The following CNTN6 variants were observed in gnomAD, a reference collection of about 807,000 sequenced individuals.
The protein encoded by CNTN6 is contactin-6.
In CNTN6, 137 loss-of-function variants were observed where a neutral mutation model predicts 122.8. That is an observed-to-expected ratio of 1.12 (90% CI 0.97 to 1.29). The LOEUF is 1.29. Ranked by LOEUF, CNTN6 falls within the 50% of genes most tolerant of loss-of-function variation. CNTN6 has a pLI of 0.00. For missense variants in CNTN6, 1,634 were observed against 1,223.4 expected (o/e 1.34, Z -5.01); for synonymous variants, 570 against 426.0 (o/e 1.34, Z -4.16).
chr3:1,329,503 C>A (rs528042438), intron 10 of CNTN6, among the ~76,000 whole-genome samples: 11 of 151,896 alleles, frequency 7.2e-5, no homozygotes, highest in African/African-American at 2.6e-4. Context: ...TGAGCCTATA[C>A]TTTGCGCCAG....
At chr3:1,230,946 C>T (rs1485047329) in intron 4 of CNTN6, among the ~76,000 whole-genome samples, 4 of 152,126 alleles carry the variant, frequency 2.6e-5, no homozygotes, top group South Asian at 4.1e-4. Flanking sequence ...TGTCCACATC[C>T]GCTTTTGCAA....
At chr3:1,266,141 CAG>C (rs996580497) in intron 4 of CNTN6, among the ~76,000 whole-genome samples, 7 of 151,926 alleles carry the variant, frequency 4.6e-5, no homozygotes, top group African/African-American at 1.7e-4. Context: ...AAAATGATGA[CAG>C]AAATGAAAAT....
At chr3:1,145,048 T>A (rs922361753) in intron 1 of CNTN6, among the ~76,000 whole-genome samples, 6 of 152,198 alleles carry the variant, frequency 3.9e-5, no homozygotes, top group African/African-American at 1.4e-4. Flanking sequence ...GGTCTATGTG[T>A]ATTATAACCC....
chr3:1,339,251 C>G (rs1703542169), intron 11 of CNTN6, among the ~76,000 whole-genome samples: 1 of 152,148 alleles, frequency 6.6e-6, no homozygotes, highest in Non-Finnish European at 1.5e-5. Context: ...CTCAATCCCT[C>G]TCACCCTAAA....
At chr3:1,157,954 C>T (rs563774985) in intron 2 of CNTN6, among the ~76,000 whole-genome samples, 135 of 152,328 alleles carry the variant, frequency 8.9e-4, no homozygotes, top group African/African-American at 3.1e-3. Flanking sequence ...CTGCAACAAA[C>T]ATGGGCATGC....
chr3:1,144,605 A>AT (rs2092685154), intron 1 of CNTN6, among the ~76,000 whole-genome samples: 2 of 151,426 alleles, frequency 1.3e-5, no homozygotes, highest in Admixed American at 6.6e-5. Context: ...AAAAAATAAA[A>AT]AATAAAAAAA....
intron 20 of CNTN6, 146 bp from the exon 21 acceptor site, chr3:1,401,283 AGAAT>A: frequency 3.4e-6 from 2 of 582,336 alleles, no homozygotes; most frequent in Non-Finnish European, 6.1e-6. Flanking sequence ...TACTGTGATT[AGAAT>A]TAATATATTT....
chr3:1,282,411 G>A (rs78367778), intron 5 of CNTN6, among the ~76,000 whole-genome samples: 29 of 152,260 alleles, frequency 1.9e-4, no homozygotes, highest in Admixed American at 2.6e-4. Context: ...AGTTCAAGAC[G>A]CTCTATTTTA....
intron 1 of CNTN6, among the ~76,000 whole-genome samples, chr3:1,119,337 G>GTGTGTGTGTGTGTGTGTC (rs1490729835): frequency 6.6e-6 from 1 of 151,172 alleles, no homozygotes; most frequent in South Asian, 2.1e-4. Context: ...GTGTGTGTGT[G>GTGTGTGTGTGTGTGTGTC]TGTGTGTGTG....
At chr3:1,213,124 ATT>A (rs1373359931) in intron 2 of CNTN6, among the ~76,000 whole-genome samples, 2 of 152,182 alleles carry the variant, frequency 1.3e-5, no homozygotes, top group Non-Finnish European at 2.9e-5. Context: ...GTATGTATAT[ATT>A]TTTTGAAAAC....
chr3:1,126,574 C>T (rs754023393), intron 1 of CNTN6, among the ~76,000 whole-genome samples: 1 of 151,876 alleles, frequency 6.6e-6, no homozygotes, highest in Non-Finnish European at 1.5e-5. Context: ...TCTGTCACCA[C>T]CATCTTTAGA....
chr3:1,168,127 C>T (rs183318892), intron 2 of CNTN6, among the ~76,000 whole-genome samples: 87 of 151,928 alleles, frequency 5.7e-4, no homozygotes, highest in Non-Finnish European at 1.1e-3. Flanking sequence ...AGGTTGGTCT[C>T]GATCTCCTGA....
At chr3:1,182,079 A>G (rs2093563242) in intron 2 of CNTN6, among the ~76,000 whole-genome samples, 1 of 152,072 alleles carries the variant, frequency 6.6e-6, no homozygotes, top group Non-Finnish European at 1.5e-5. Context: ...TTCAATATAT[A>G]TTGAATAATT....
At chr3:1,349,431 A>C (rs1705272791) in intron 11 of CNTN6, among the ~76,000 whole-genome samples, 1 of 151,756 alleles carries the variant, frequency 6.6e-6, no homozygotes. Context: ...CATATATGCA[A>C]ATGAAGGTAG....
At position 1,363,810 on chromosome 3, in the gene CNTN6, A is replaced by G. The variant is rs114801028; in HGVS notation, c.1493-8489A>G. 7.6e-3 allele frequency among the ~76,000 whole-genome samples: 1,159 copies of G among 151,972 alleles called. 15 individuals carry two copies. Among genetic ancestry groups the G allele is most frequent in the African/African-American group, 0.027 (1,103 of 41,502 alleles). Reference sequence around the variant, plus strand: ...GATTGCTGGGTTGTATGGTATCTCTATTTTTAATTTTAGGGAACCCTCCAT... The same window carrying G: ...GATTGCTGGGTTGTATGGTATCTCTGTTTTTAATTTTAGGGAACCCTCCAT... On this transcript the variant is annotated intron_variant, in intron 12 of 22. Transcript: ENST00000446702.
chr3:1,172,416 G>A (rs1487845411), intron 2 of CNTN6, among the ~76,000 whole-genome samples: 25 of 152,186 alleles, frequency 1.6e-4, no homozygotes, highest in Admixed American at 1.6e-3. Context: ...GCCAGCCTCT[G>A]CACTAAGTAC....
chr3:1,286,663 A>C (rs1175631244), intron 5 of CNTN6, among the ~76,000 whole-genome samples: 1 of 152,202 alleles, frequency 6.6e-6, no homozygotes, highest in Non-Finnish European at 1.5e-5. Context: ...GGTGGTTCCA[A>C]GTCTTTGCTA....
At position 1,278,352 on chromosome 3, in the gene CNTN6, C is replaced by T. The variant is rs149986144; in HGVS notation, c.359-61C>T. 2.9e-3 allele frequency: 3,372 copies of T among 1,177,890 alleles called. 85 individuals are homozygous for T. The African/African-American group carries it at 0.046, about 16-fold the overall frequency. The allele number at this position is 1,177,890 out of a possible 1,614,324, so 73.0% of individuals were successfully genotyped here. ...TAATAAAAACATTCTTGAGATTCTTCTTTAAAATATTTATTCTGCAAAGTA... is the reference window on the plus strand; with the variant it reads ...TAATAAAAACATTCTTGAGATTCTTTTTTAAAATATTTATTCTGCAAAGTA... On this transcript the variant is annotated intron_variant, in intron 4 of 22. Transcript: ENST00000446702.
At chr3:1,397,887 A>G (rs1695179654) in intron 20 of CNTN6, among the ~76,000 whole-genome samples, 3 of 152,140 alleles carry the variant, frequency 2.0e-5, no homozygotes, top group Admixed American at 2.0e-4. Context: ...TAGAGGTGTA[A>G]CATAAGAAGT....
Sources: gnomAD v4.1 joint callset for allele counts (sites outside exome capture counted in the v4.1 genomes callset) on GRCh38, gnomAD v4.1.1 for gene constraint, MANE v1.5 for transcripts, NCBI Gene and HGNC (gene_info 2026-07-23, HGNC 2026-07-21) for gene names.